Variants in CASK observed in about 807,000 individuals in gnomAD.
CASK encodes calcium/calmodulin dependent serine protein kinase, also known as peripheral plasma membrane protein CASK.
CASK carries 4 observed loss-of-function variants against 82.9 expected under a neutral mutation model. The observed-to-expected ratio is 0.05, with a 90% CI of 0.02 to 0.11. CASK has a LOEUF of 0.11. CASK is among the 10% of genes least tolerant of loss of function. The pLI is 1.00. For missense variants in CASK, 358 were observed against 720.9 expected (o/e 0.50, Z 5.76); for synonymous variants, 259 against 253.5 (o/e 1.02, Z -0.20).
In CASK at chrX:41,900,778, C is replaced by T. The variant is rs1172592251; in HGVS notation, c.59+22152G>A. On this transcript the variant is annotated intron_variant, in intron 1 of 26. Coordinates refer to ENST00000378163, the MANE Select transcript of CASK (RefSeq NM_001367721.1). ...TTTTTTTTTTTGAGATGGAGTCTTG[C>T]TCTGTCAGCCAGGCTGGAGTGCAGT... is the stretch of plus-strand genomic sequence containing the variant. Among the ~76,000 whole-genome samples the T allele has an allele frequency of 2.3e-3, 170 of 74,706 alleles. 2 individuals carry two copies. In the Middle Eastern group the frequency reaches 0.069, roughly 30 times the overall value. 64.9% of individuals were successfully genotyped at this position (74,706 alleles called of 115,157 possible). A position where few individuals can be genotyped will look rare whatever the true frequency, so the allele number is the denominator to read the frequency against.
At chrX:41,771,999 A>T (rs1441471765) in intron 3 of CASK, among the ~76,000 whole-genome samples, 1 of 111,526 alleles carries the variant, frequency 9.0e-6, no homozygotes, top group East Asian at 2.8e-4. Context: ...AACCCAAAAT[A>T]AAAGGATGGA....
chrX:41,609,796 A>T, intron 12 of CASK, 108 bp downstream of exon 12: 1 of 819,403 alleles, frequency 1.2e-6, no homozygotes, highest in Non-Finnish European at 1.8e-6. Context: ...TGACCTCCTG[A>T]TACGCCCGCC....
intron 19 of CASK, among the ~76,000 whole-genome samples, chrX:41,556,796 A>T (rs1394233810): frequency 8.9e-6 from 1 of 112,774 alleles, no homozygotes; most frequent in Non-Finnish European, 1.9e-5. Flanking sequence ...AAATATTTTT[A>T]GAATGACCAA....
chrX:41,534,953 C>T lies in CASK; in HGVS notation c.2176G>A (p.Val726Ile). ...AGTTTTACTACTTCTTCATATGTGA[C>T]AAGATCTAATTGATCAAACACTAAA... is the stretch of plus-strand genomic sequence containing the variant. Reference protein sequence around the residue: ...HNAVFDQLDLVTYEEVVKLPA... With the variant: ...HNAVFDQLDLITYEEVVKLPA... Residue 726 changes from valine to isoleucine, a missense_variant, in exon 23 of 27, where the codon GTC (valine) becomes ATC (isoleucine). By Grantham distance (29) the Val-to-Ile change is conservative (BLOSUM62 3). Around this residue, in one of 5 missense-constraint regions of CASK, gnomAD observed 118 missense variants for 169.4 expected, o/e 0.70. Transcript: ENST00000378163. The T allele has an allele frequency of 8.4e-7, 1 of 1,189,424 alleles. No homozygotes were observed. The highest frequency in any genetic ancestry group is 1.1e-6 in the Non-Finnish European group (1 of 876,679).
At chrX:41,883,474 A>G (rs769007184) in intron 1 of CASK, among the ~76,000 whole-genome samples, 7 of 110,917 alleles carry the variant, frequency 6.3e-5, no homozygotes, top group Non-Finnish European at 1.1e-4. Flanking sequence ...GGTGTTGCCT[A>G]CCTCGAGGCA....
chrX:41,718,994 G>A (rs1016360129), intron 5 of CASK, among the ~76,000 whole-genome samples: 1 of 112,469 alleles, frequency 8.9e-6, no homozygotes, highest in East Asian at 2.8e-4. Context: ...TGGCAACAAG[G>A]CTGTAAATCA....
intron 2 of CASK, among the ~76,000 whole-genome samples, chrX:41,833,389 A>G (rs2070864059): frequency 8.9e-6 from 1 of 112,151 alleles, no homozygotes; most frequent in Admixed American, 9.4e-5. Context: ...AGCCAGATGC[A>G]ACACATATTC....
At chrX:41,902,507 T>A (rs1412884567) in intron 1 of CASK, among the ~76,000 whole-genome samples, 2 of 111,873 alleles carry the variant, frequency 1.8e-5, no homozygotes, top group African/African-American at 6.5e-5. Flanking sequence ...TTAAACTGGG[T>A]CCATCCAAAT....
At chrX:41,703,501 G>A (rs1328558723) in intron 5 of CASK, among the ~76,000 whole-genome samples, 1 of 112,120 alleles carries the variant, frequency 8.9e-6, no homozygotes, top group African/African-American at 3.2e-5. Flanking sequence ...CTCAAATTTT[G>A]TTTATCTATG....
intron 8 of CASK, among the ~76,000 whole-genome samples, chrX:41,642,160 G>A (rs1199943720): frequency 1.8e-5 from 2 of 111,325 alleles, no homozygotes; most frequent in Admixed American, 1.9e-4. Flanking sequence ...GGACATTTGG[G>A]TTGGTTCCAA....
intron 3 of CASK, among the ~76,000 whole-genome samples, chrX:41,754,215 T>C (rs1048782188): frequency 9.1e-6 from 1 of 110,268 alleles, no homozygotes; most frequent in African/African-American, 3.3e-5. Context: ...CTGGGCAATA[T>C]AGTGAGACCC....
rs1215266415 is a variant in CASK at position 41,700,931 on chromosome X, C to CAA, written c.430-29403_430-29402dup. Among the ~76,000 whole-genome samples the CAA allele has an allele frequency of 6.4e-3, 238 of 37,102 alleles. 23 individuals are homozygous for CAA. The highest frequency in any genetic ancestry group is 0.026 in the Middle Eastern group (1 of 38). 32.2% of individuals were successfully genotyped at this position (37,102 alleles called of 115,157 possible). ...TGGGCGACAGAGTGAGACTCCGTCT[C>CAA]AAAAAAAAAAAAAAAAAAAAAAAAG... On this transcript the variant is annotated intron_variant, in intron 5 of 26. Coordinates refer to ENST00000378163, the MANE Select transcript of CASK (RefSeq NM_001367721.1).
At chrX:41,876,201 A>G (rs2071814362) in intron 1 of CASK, among the ~76,000 whole-genome samples, 2 of 111,414 alleles carry the variant, frequency 1.8e-5, no homozygotes, top group African/African-American at 6.5e-5. Flanking sequence ...AGTACTTACT[A>G]TATGCCAGTC....
chrX:41,921,536 C>T (rs1004139932), intron 1 of CASK, among the ~76,000 whole-genome samples: 1 of 111,567 alleles, frequency 9.0e-6, no homozygotes, highest in African/African-American at 3.3e-5. Context: ...ATCTTTTGGA[C>T]AGTGCTGTTC....
chrX:41,746,070 A>G (rs2068681969), intron 3 of CASK, among the ~76,000 whole-genome samples: 1 of 112,116 alleles, frequency 8.9e-6, no homozygotes. Flanking sequence ...ATAAAATAAA[A>G]TTTATTTTTG....
chrX:41,557,751 C>T (rs2065176572), intron 18 of CASK, among the ~76,000 whole-genome samples: 1 of 111,512 alleles, frequency 9.0e-6, no homozygotes, highest in Non-Finnish European at 1.9e-5. Context: ...CACAGCCACT[C>T]TTCCTATATC....
At chrX:41,558,989 A>G (rs1262102055) in intron 18 of CASK, 5 of 111,972 alleles carry the variant, frequency 4.5e-5, no homozygotes, top group African/African-American at 1.6e-4. Flanking sequence ...ATGCACATGA[A>G]AGAACAAGCT....
rs770310753 is a variant in CASK at position 41,707,020 on chromosome X, C to T, written c.429+32364G>A. Among the ~76,000 whole-genome samples, 624 of 111,903 alleles carry T rather than the reference C, an allele frequency of 5.6e-3. 7 individuals are homozygous for T. The highest frequency in any genetic ancestry group is 9.0e-3 in the Non-Finnish European group (478 of 53,218). ...AAGAAAGAGCCAATTCACTGCATTT[C>T]AAGGAGAAAATATAACAAGTCTAGT... is the stretch of plus-strand genomic sequence containing the variant. On this transcript the variant is annotated intron_variant, in intron 5 of 26. Transcript: ENST00000378163.
Position 41,518,935 on chromosome X carries a change from C to G in CASK, c.*1485G>C, listed in dbSNP as rs2064598173. On this transcript the variant is annotated 3_prime_UTR_variant, in exon 27 of 27. Transcript: ENST00000378163. Reference sequence around the variant, plus strand: ...GTTAATGTCTCTAAAGCAACAAGGACAGATGATTCCCCTGTGCCAAGGGAT... The same window carrying G: ...GTTAATGTCTCTAAAGCAACAAGGAGAGATGATTCCCCTGTGCCAAGGGAT... 2.7e-5 allele frequency: 3 copies of G among 111,580 alleles called. No individual in the cohort carries two copies. The South Asian group carries it at 1.1e-3, about 42-fold the overall frequency. The allele number at this position is 111,580 out of a possible 1,213,427, so 9.2% of individuals were successfully genotyped here. A position where few individuals can be genotyped will look rare whatever the true frequency, so the allele number is the denominator to read the frequency against.
Sources: allele counts gnomAD v4.1 joint callset (sites outside exome capture counted in the v4.1 genomes callset), GRCh38; gene constraint gnomAD v4.1.1; regional missense constraint gnomAD v4.1.1; transcripts MANE v1.5; gene names NCBI Gene and HGNC (gene_info 2026-07-23, HGNC 2026-07-21).